The following SYT17 variants were observed in gnomAD, a reference collection of about 807,000 sequenced individuals.
SYT17 encodes the protein synaptotagmin 17.
SYT17 carries 22 observed loss-of-function variants against 46.7 expected under a neutral mutation model. The ratio of observed to expected loss-of-function variants is 0.47; its 90% CI spans 0.34 to 0.67. The LOEUF is 0.67. SYT17 is among the 30% of genes least tolerant of loss of function. The pLI, the probability that SYT17 is intolerant of heterozygous loss-of-function variation, is 0.01. For synonymous variants in SYT17, 251 were observed against 248.4 expected (o/e 1.01, Z -0.10); for missense variants, 519 against 612.8 (o/e 0.85, Z 1.62).
chr16:19,241,030 C>T (rs553095872), intron 7 of SYT17, among the ~76,000 whole-genome samples: 2,889 of 146,982 alleles, frequency 0.02, 112 homozygotes, highest in African/African-American at 0.069. Context: ...TCACTGCAAG[C>T]TCCGCCTCCC....
chr16:19,180,528 G>A lies in SYT17; in HGVS notation c.320G>A (p.Arg107Gln), dbSNP rs748717734. 30 of 1,614,080 alleles carry A rather than the reference G, an allele frequency of 1.9e-5. No individual in the cohort carries two copies. In the East Asian group the frequency reaches 2.0e-4, roughly 11 times the overall value. ...TCCAAGTCTACATACAGCCTGACGC[G>A]GAGGATTTCGAGTAAGTATCTCTGC... ...DTSKSTYSLTRRISSLESRRP... is the reference protein window; with the variant it reads ...DTSKSTYSLTQRISSLESRRP... The change falls in exon 4 of 8, where the codon CGG becomes CAG. Residue 107 changes from arginine (R) to glutamine (Q), a missense_variant. Physicochemically the swap from Arg to Gln is conservative, Grantham distance 43. Transcript: ENST00000355377.
chr16:19,178,493 T>C (rs1964411491), intron 3 of SYT17, among the ~76,000 whole-genome samples: 2 of 152,086 alleles, frequency 1.3e-5, no homozygotes, highest in African/African-American at 4.8e-5. Context: ...GGTTTCGCCA[T>C]GTCGGCCGGG....
intron 3 of SYT17, among the ~76,000 whole-genome samples, chr16:19,175,134 A>C (rs1183532273): frequency 6.6e-6 from 1 of 152,174 alleles, no homozygotes; most frequent in Admixed American, 6.5e-5. Context: ...CTCAAAAATA[A>C]ATACATAAAT....
Position 19,183,996 on chromosome 16 carries a change from T to C in SYT17, c.800T>C (p.Leu267Pro). The C allele has an allele frequency of 6.2e-7, 1 of 1,614,110 alleles. No homozygotes were observed. Among genetic ancestry groups the C allele is most frequent in the Non-Finnish European group, 8.5e-7 (1 of 1,180,024 alleles). ...CGCTACACCTTCGAGATCCCCTTCC[T>C]GGAGGCCCAGAGGAGGACCCTGCTC... is the stretch of plus-strand genomic sequence containing the variant. Reference protein sequence around the residue: ...EERYTFEIPFLEAQRRTLLLT... With the variant: ...EERYTFEIPFPEAQRRTLLLT... The change falls in exon 5 of 8, where the codon CTG becomes CCG. Residue 267 changes from leucine to proline, a missense_variant. Transcript: ENST00000355377. The surrounding 1 kb of genome is among the most constrained non-coding windows in gnomAD (Gnocchi z 5.6).
At chr16:19,245,532 G>A (rs1254065271) in intron 7 of SYT17, among the ~76,000 whole-genome samples, 1 of 152,168 alleles carries the variant, frequency 6.6e-6, no homozygotes, top group South Asian at 2.1e-4. Context: ...CCTGTTTGAG[G>A]CTTGTTTACT....
intron 7 of SYT17, among the ~76,000 whole-genome samples, chr16:19,262,721 T>G (rs560202093): frequency 6.6e-6 from 1 of 152,322 alleles, no homozygotes; most frequent in East Asian, 1.9e-4. Context: ...TGGCTGACCA[T>G]CTGGGTAGCT....
At chr16:19,232,407 A>G (rs1966733563) in intron 7 of SYT17, among the ~76,000 whole-genome samples, 1 of 152,140 alleles carries the variant, frequency 6.6e-6, no homozygotes, top group Non-Finnish European at 1.5e-5. Flanking sequence ...GTGGGCCTGG[A>G]ATTCTGCATT....
chr16:19,175,645 C>CAA (rs34788366), intron 3 of SYT17, among the ~76,000 whole-genome samples: 1,618 of 67,062 alleles, frequency 0.024, 47 homozygotes, highest in African/African-American at 0.057. Flanking sequence ...AGCAAGACTT[C>CAA]AAAAAAAAAA....
intron 5 of SYT17, among the ~76,000 whole-genome samples, chr16:19,193,605 C>T (rs1965113895): frequency 6.6e-6 from 1 of 152,106 alleles, no homozygotes; most frequent in Admixed American, 6.6e-5. Flanking sequence ...CATCTGTTAT[C>T]CTAGGTTGGG....
intron 5 of SYT17, among the ~76,000 whole-genome samples, chr16:19,209,463 C>T (rs969539510): frequency 2.0e-5 from 3 of 152,164 alleles, no homozygotes; most frequent in Non-Finnish European, 4.4e-5. Flanking sequence ...AGATACCCAT[C>T]AGATGAGACT....
At chr16:19,228,058 G>A (rs1966556727) in intron 7 of SYT17, among the ~76,000 whole-genome samples, 1 of 51,052 alleles carries the variant, frequency 2.0e-5, no homozygotes, top group African/African-American at 1.9e-4. Context: ...TCTGGGGGTG[G>A]GGGGGTATGA....
intron 5 of SYT17, among the ~76,000 whole-genome samples, chr16:19,193,645 G>A (rs950112068): frequency 1.3e-5 from 2 of 152,158 alleles, no homozygotes; most frequent in Non-Finnish European, 2.9e-5. Flanking sequence ...TTGAGTGCTT[G>A]CATTTTCTTT....
chr16:19,169,420 G>A (rs143859088), intron 1 of SYT17, among the ~76,000 whole-genome samples: 69 of 152,358 alleles, frequency 4.5e-4, no homozygotes, highest in African/African-American at 1.7e-3. Flanking sequence ...GGTCAAGCAG[G>A]CAGACCCGCA....
intron 5 of SYT17, among the ~76,000 whole-genome samples, chr16:19,215,132 G>A (rs1966046558): frequency 6.6e-6 from 1 of 152,176 alleles, no homozygotes; most frequent in African/African-American, 2.4e-5. Context: ...TCTCAGCAAT[G>A]TTCTGATTTC....
chr16:19,204,818 G>A (rs1318278739), intron 5 of SYT17, among the ~76,000 whole-genome samples: 2 of 152,050 alleles, frequency 1.3e-5, no homozygotes, highest in Non-Finnish European at 2.9e-5. Flanking sequence ...AACTTAGTTT[G>A]CCGCCTGCTG....
chr16:19,209,921 A>C (rs112241186), intron 5 of SYT17, among the ~76,000 whole-genome samples: 2,365 of 149,454 alleles, frequency 0.016, 72 homozygotes, highest in African/African-American at 0.056. Flanking sequence ...ACAACAACAA[A>C]AAACCCTAAG....
chr16:19,262,430 A>G (rs1366809930), intron 7 of SYT17, among the ~76,000 whole-genome samples: 1 of 152,210 alleles, frequency 6.6e-6, no homozygotes, highest in African/African-American at 2.4e-5. Context: ...TGGAACCATT[A>G]GGAAATAAAT....
At chr16:19,209,105 G>C (rs952724234) in intron 5 of SYT17, among the ~76,000 whole-genome samples, 1 of 151,780 alleles carries the variant, frequency 6.6e-6, no homozygotes, top group African/African-American at 2.4e-5. Flanking sequence ...CTGACCTCAA[G>C]TGATCTGCCT....
At chr16:19,262,889 C>G (rs1969085101) in intron 7 of SYT17, among the ~76,000 whole-genome samples, 1 of 152,172 alleles carries the variant, frequency 6.6e-6, no homozygotes, top group Admixed American at 6.5e-5. Context: ...CCATGAGTAG[C>G]CTCCAAGGTG....
Sources: gnomAD v4.1 joint callset for allele counts (sites outside exome capture counted in the v4.1 genomes callset) on GRCh38, gnomAD v4.1.1 for gene constraint, Gnocchi (gnomAD v3.1) non-coding constraint, MANE v1.5 for transcripts, NCBI Gene and HGNC (gene_info 2026-07-23, HGNC 2026-07-21) for gene names.